BRD8: variants seen among roughly 807,000 people sequenced by gnomAD.
BRD8 encodes the protein bromodomain-containing protein 8.
Under a neutral mutation model 143.1 loss-of-function variants are expected in BRD8, and 67 were observed. The ratio of observed to expected loss-of-function variants is 0.47; its 90% CI spans 0.38 to 0.57. The LOEUF (loss-of-function observed/expected upper bound fraction) is 0.57. BRD8 is among the 20% of genes least tolerant of loss of function. BRD8 has a pLI of 0.00. For missense variants in BRD8, 1,103 were observed against 1,503.0 expected, an observed-to-expected ratio of 0.73 and a Z score of 4.40; for synonymous variants, 505 against 517.1, an observed-to-expected ratio of 0.98 and a Z score of 0.32.
At chr5:138,152,280 G>A (rs1752404811) in intron 21 of BRD8, among the ~76,000 whole-genome samples, 1 of 152,238 alleles carries the variant, frequency 6.6e-6, no homozygotes, top group African/African-American at 2.4e-5. Context: ...GTGAGCCACT[G>A]CACCCGGCCC....
At position 138,163,179 on chromosome 5, in the gene BRD8, A is replaced by T. The variant is rs1289689457; in HGVS notation, c.2038T>A (p.Ser680Thr). ...GFSIHNATLQ[S>T]HTLADSIPSS... is the part of the protein sequence containing the mutation. ...GGGATGGAGTCTGCCAGTGTGTGTG[A>T]CTGCAGTGTAGCATTGTGTATGCTG... is the stretch of plus-strand genomic sequence containing the variant. The change falls in exon 15 of 27, where the codon TCA (serine) becomes ACA (threonine). Residue 680 changes from serine (S) to threonine (T), a missense_variant. Around this residue, in one of 7 missense-constraint regions of BRD8, gnomAD observed 75 missense variants for 111.7 expected, o/e 0.67. Coordinates refer to ENST00000254900, the MANE Select transcript of BRD8 (RefSeq NM_139199.2). 1.2e-6 allele frequency: 2 copies of T among 1,614,026 alleles called. No homozygotes were observed. Among genetic ancestry groups the T allele is most frequent in the Non-Finnish European group, 1.7e-6 (2 of 1,180,042 alleles).
At chr5:138,155,008 T>C (rs1232154707) in intron 20 of BRD8, among the ~76,000 whole-genome samples, 1 of 151,972 alleles carries the variant, frequency 6.6e-6, no homozygotes, top group Non-Finnish European at 1.5e-5. Flanking sequence ...TTTTTGTATT[T>C]TTAGTAGAGA....
rs1233689487 is a variant in BRD8 at position 138,150,805 on chromosome 5, C to T, written c.3060G>A (p.Glu1020=). The part of the protein sequence containing the change: ...EKPLGENGKP[E]VASAPSVICT... Reference sequence around the variant, plus strand: ...AAATAACTGAGGGAGCTGAAGCCACCTCTGGCTTTCCATTTTCTCCCAGTG... The same window carrying T: ...AAATAACTGAGGGAGCTGAAGCCACTTCTGGCTTTCCATTTTCTCCCAGTG... The change falls in exon 22 of 27, where the codon GAG becomes GAA. Residue 1020 remains glutamate (E), a synonymous_variant. Transcript: ENST00000254900. The T allele has an allele frequency of 6.2e-7, 1 of 1,614,234 alleles. No homozygotes were observed. Among genetic ancestry groups the T allele is most frequent in the East Asian group, 2.2e-5 (1 of 44,888 alleles).
At chr5:138,170,323 A>T (rs1256144406) in intron 7 of BRD8, 22 bp downstream of exon 7, 3 of 1,490,458 alleles carry the variant, frequency 2.0e-6, no homozygotes, top group Non-Finnish European at 2.8e-6. Context: ...ATTGCTAAAG[A>T]GGCATACTAG....
Position 138,169,258 on chromosome 5 carries a change from G to T in BRD8, c.606C>A (p.Asp202Glu). 6.2e-7 allele frequency: 1 copy of T among 1,614,086 alleles called. No homozygotes were observed. Among genetic ancestry groups the T allele is most frequent in the Non-Finnish European group, 8.5e-7 (1 of 1,180,000 alleles). Reference sequence around the variant, plus strand: ...CCTCTTCCATAGTGGTTGGAGTCAAGTCCCCAAGTGGATAATCACCTCCTG... The same window carrying T: ...CCTCTTCCATAGTGGTTGGAGTCAATTCCCCAAGTGGATAATCACCTCCTG... ...ASPGGDYPLG[D>E]LTPTTMEEAT... Residue 202 changes from aspartate (D) to glutamate (E), a missense_variant, in exon 8 of 27, where the codon GAC (aspartate) becomes GAA (glutamate). Physicochemically the swap from Asp to Glu is conservative, Grantham distance 45. Transcript: ENST00000254900.
At chr5:138,169,702 C>T (rs186981860) in intron 7 of BRD8, among the ~76,000 whole-genome samples, 1 of 152,212 alleles carries the variant, frequency 6.6e-6, no homozygotes, top group Non-Finnish European at 1.5e-5. Flanking sequence ...GGTGCAGTGG[C>T]TCACGGCTGT....
intron 8 of BRD8, chr5:138,168,708 C>T: frequency 8.3e-7 from 1 of 1,210,052 alleles, no homozygotes; most frequent in South Asian, 1.2e-5. Context: ...AACAGAGAAC[C>T]TTTATCTGAC....
At chr5:138,148,453 C>T (rs72801688) in intron 23 of BRD8, among the ~76,000 whole-genome samples, 2,297 of 152,222 alleles carry the variant, frequency 0.015, 21 homozygotes, top group Non-Finnish European at 0.023. Context: ...CTGTAACCTT[C>T]ACCTCCCAAG....
chr5:138,140,533 G>T (rs536221078), intron 26 of BRD8, 172 bp downstream of exon 26: 168 of 725,076 alleles, frequency 2.3e-4, no homozygotes, highest in Non-Finnish European at 3.5e-4. Context: ...ATCAGAGCTG[G>T]ACTTACTGAG....
intron 10 of BRD8, 173 bp downstream of exon 10, chr5:138,166,345 C>T (rs1753420476): frequency 1.6e-6 from 1 of 619,720 alleles, no homozygotes; most frequent in African/African-American, 1.8e-5. Flanking sequence ...TAAATGCCCA[C>T]CCACCTCTTC....
At chr5:138,147,336 A>G (rs908949084) in intron 23 of BRD8, among the ~76,000 whole-genome samples, 1 of 150,378 alleles carries the variant, frequency 6.6e-6, no homozygotes, top group Non-Finnish European at 1.5e-5. Context: ...AAATATATGC[A>G]TGGTTCAGCT....
intron 15 of BRD8, 105 bp from the exon 16 acceptor site, chr5:138,162,251 G>A (rs1416484275): frequency 2.4e-6 from 2 of 850,190 alleles, no homozygotes; most frequent in South Asian, 3.5e-5. Context: ...CCAGGCTGGA[G>A]TGCAGTGGCA....
intron 20 of BRD8, among the ~76,000 whole-genome samples, chr5:138,154,233 G>C (rs1428684604): frequency 2.6e-5 from 4 of 152,046 alleles, no homozygotes; most frequent in Non-Finnish European, 4.4e-5. Flanking sequence ...ATCTGCCAAA[G>C]TCCTCCACAA....
At chr5:138,172,553 G>C (rs1753957269) in intron 2 of BRD8, among the ~76,000 whole-genome samples, 1 of 113,182 alleles carries the variant, frequency 8.8e-6, no homozygotes, top group South Asian at 3.0e-4. Flanking sequence ...AAAAGCCAAT[G>C]AATGCGAGGT....
chr5:138,142,383 T>G (rs1380845259), intron 25 of BRD8, among the ~76,000 whole-genome samples: 1 of 152,198 alleles, frequency 6.6e-6, no homozygotes, highest in Admixed American at 6.5e-5. Context: ...CAGCACAGAC[T>G]AGTGACTCTC....
rs1411362164 is a variant in BRD8, at chr5:138,140,141, C to T, written c.3641G>A (p.Arg1214Lys). The T allele has an allele frequency of 6.2e-7, 1 of 1,613,572 alleles. No individual in the cohort carries two copies. Residue 1214 changes from arginine to lysine, a missense_variant, in exon 27 of 27, where the codon AGA (arginine) becomes AAA (lysine). Physicochemically the swap from Arg to Lys is conservative, Grantham distance 26. This residue lies in a region of BRD8 where 369 missense variants were observed against 445.5 expected (regional missense o/e 0.83). Transcript: ENST00000254900. ...IQVLNIWLDKRKGSSSLEGEP... is the reference protein window; with the variant it reads ...IQVLNIWLDKKKGSSSLEGEP... ...TCCTTCCAGACTACTTGAGCCTTTT[C>T]TTTTGTCTAACCAGATATTCAGTAC...
At chr5:138,149,182 G>A (rs895596087) in intron 23 of BRD8, among the ~76,000 whole-genome samples, 2 of 151,846 alleles carry the variant, frequency 1.3e-5, no homozygotes, top group African/African-American at 2.4e-5. Context: ...GCACAATCAT[G>A]GCTCACTGCA....
chr5:138,171,760 CT>C (rs1297586677), intron 3 of BRD8, among the ~76,000 whole-genome samples: 1 of 152,168 alleles, frequency 6.6e-6, no homozygotes, highest in Non-Finnish European at 1.5e-5. Context: ...TGAAGCAACT[CT>C]TTTATCTCTA....
intron 23 of BRD8, among the ~76,000 whole-genome samples, chr5:138,148,352 AT>A (rs1223857688): frequency 6.6e-6 from 1 of 151,806 alleles, no homozygotes; most frequent in African/African-American, 2.4e-5. Context: ...CTTCAAAATA[AT>A]TTTTTTCTTC....
Sources: allele counts gnomAD v4.1 joint callset (sites outside exome capture counted in the v4.1 genomes callset), GRCh38; gene constraint gnomAD v4.1.1; regional missense constraint gnomAD v4.1.1; transcripts MANE v1.5; gene names NCBI Gene and HGNC (gene_info 2026-07-23, HGNC 2026-07-21).